The following IQGAP2 variants were observed in gnomAD, a reference collection of about 807,000 sequenced individuals.
IQGAP2 encodes IQ motif containing GTPase activating protein 2.
A neutral mutation model predicts 201.3 loss-of-function variants in IQGAP2; 173 were observed. The ratio of observed to expected loss-of-function variants is 0.86; its 90% CI spans 0.76 to 0.98. The LOEUF (loss-of-function observed/expected upper bound fraction) is 0.98, where lower values mean the gene tolerates loss of function less well. Among genes scored for constraint, IQGAP2 ranks in the 50% least tolerant of loss-of-function variants. The pLI is 0.00. For missense variants in IQGAP2, 1,687 were observed against 1,864.8 expected, an observed-to-expected ratio of 0.90 and a Z score of 1.76; for synonymous variants, 675 against 673.9, an observed-to-expected ratio of 1.00 and a Z score of -0.03.
intron 12 of IQGAP2, among the ~76,000 whole-genome samples, chr5:76,609,432 T>G (rs1237825620): frequency 6.6e-6 from 1 of 152,218 alleles, no homozygotes; most frequent in African/African-American, 2.4e-5. Flanking sequence ...TCAAACATAT[T>G]TAAGTATTAT....
chr5:76,420,186 A>G (rs1751651390), intron 1 of IQGAP2, among the ~76,000 whole-genome samples: 1 of 152,090 alleles, frequency 6.6e-6, no homozygotes, highest in Non-Finnish European at 1.5e-5. Context: ...TCCCTAGGAG[A>G]TTCCAATGTG....
chr5:76,595,904 C>T (rs151231240), intron 9 of IQGAP2, among the ~76,000 whole-genome samples: 2 of 151,884 alleles, frequency 1.3e-5, no homozygotes, highest in East Asian at 1.9e-4. Flanking sequence ...TAGAGTAATC[C>T]GAGATACAGC....
At chr5:76,664,296 A>C (rs7734540) in intron 21 of IQGAP2, among the ~76,000 whole-genome samples, 1 of 152,054 alleles carries the variant, frequency 6.6e-6, no homozygotes, top group East Asian at 1.9e-4. Context: ...GAGAAAAAGG[A>C]AAGTTGGTGA....
At chr5:76,683,958 A>T in intron 30 of IQGAP2, 41 bp downstream of exon 30, 1 of 1,533,172 alleles carries the variant, frequency 6.5e-7, no homozygotes, top group Non-Finnish European at 8.8e-7. Context: ...CCAAATACAC[A>T]TCTTAAATGA....
chr5:76,437,105 G>A (rs1440740525), intron 1 of IQGAP2, among the ~76,000 whole-genome samples: 1 of 151,830 alleles, frequency 6.6e-6, no homozygotes. Flanking sequence ...AGGCTGGAGT[G>A]CAATGGCGCA....
At chr5:76,571,871 A>G (rs1745139645) in intron 4 of IQGAP2, among the ~76,000 whole-genome samples, 1 of 152,136 alleles carries the variant, frequency 6.6e-6, no homozygotes, top group East Asian at 1.9e-4. Context: ...TTCCATTTTC[A>G]CCATTTCATA....
At chr5:76,631,070 A>C (rs912213985) in intron 14 of IQGAP2, among the ~76,000 whole-genome samples, 1 of 152,154 alleles carries the variant, frequency 6.6e-6, no homozygotes, top group East Asian at 1.9e-4. Context: ...TCTTTTCCTC[A>C]AGATGTTTTT....
At chr5:76,595,800 A>AGAG (rs1561493408) in intron 9 of IQGAP2, among the ~76,000 whole-genome samples, 41 of 142,546 alleles carry the variant, frequency 2.9e-4, no homozygotes, top group Admixed American at 8.6e-4. Context: ...GAGAGAGAGA[A>AGAG]AACAGTGTTT....
intron 8 of IQGAP2, 150 bp downstream of exon 8, chr5:76,590,736 A>G: frequency 1.5e-6 from 1 of 653,202 alleles, no homozygotes; most frequent in Non-Finnish European, 2.6e-6. Flanking sequence ...TGTAGCATAC[A>G]AGAGGACCAT....
Position 76,575,776 on chromosome 5 carries a change from G to C in IQGAP2, c.458+7G>C. 6.6e-7 allele frequency: 1 copy of C among 1,510,656 alleles called. No individual in the cohort carries two copies. Among genetic ancestry groups the C allele is most frequent in the Non-Finnish European group, 9.0e-7 (1 of 1,111,906 alleles). 93.6% of individuals were successfully genotyped at this position (1,510,656 alleles called of 1,614,324 possible). ...ATTGCATTCACGCACTGAGGTAGGG[G>C]GAAAATGCAGCTAAAAGGTGCTCTA... On this transcript the variant is annotated splice_region_variant and intron_variant, in intron 5 of 35. Transcript: ENST00000274364.
At chr5:76,482,173 C>A (rs940984090) in intron 2 of IQGAP2, among the ~76,000 whole-genome samples, 1 of 152,204 alleles carries the variant, frequency 6.6e-6, no homozygotes, top group Non-Finnish European at 1.5e-5. Flanking sequence ...ACCTGCCTTA[C>A]CTTTTCCCAG....
chr5:76,631,781 C>G, intron 14 of IQGAP2, 78 bp from the exon 15 acceptor site: 2 of 1,082,302 alleles, frequency 1.8e-6, no homozygotes, highest in Non-Finnish European at 2.6e-6. Flanking sequence ...ATTCCTAAAA[C>G]GTTGAATTAT....
intron 2 of IQGAP2, among the ~76,000 whole-genome samples, chr5:76,545,076 A>G (rs1051755874): frequency 6.6e-6 from 1 of 152,124 alleles, no homozygotes; most frequent in Admixed American, 6.5e-5. Context: ...ATACATACAT[A>G]TATACACATA....
chr5:76,604,069 G>C (rs1346513374), intron 11 of IQGAP2, among the ~76,000 whole-genome samples: 1 of 152,002 alleles, frequency 6.6e-6, no homozygotes, highest in Non-Finnish European at 1.5e-5. Flanking sequence ...ATGGTGGTTT[G>C]CTGCACCCAT....
At chr5:76,580,051 A>G (rs965006954) in intron 5 of IQGAP2, among the ~76,000 whole-genome samples, 2 of 151,330 alleles carry the variant, frequency 1.3e-5, no homozygotes, top group Non-Finnish European at 2.9e-5. Context: ...TGAGGCAGGC[A>G]GATCATGTGA....
intron 2 of IQGAP2, among the ~76,000 whole-genome samples, chr5:76,484,295 T>TA (rs1180736581): frequency 6.6e-6 from 1 of 152,164 alleles, no homozygotes; most frequent in African/African-American, 2.4e-5. Context: ...TTCTCAGGGT[T>TA]ACAAGGAATA....
intron 2 of IQGAP2, among the ~76,000 whole-genome samples, chr5:76,530,557 GT>G (rs145728635): frequency 0.061 from 9,228 of 152,284 alleles, 403 homozygotes; most frequent in Admixed American, 0.094. Flanking sequence ...AAAGGCTGCA[GT>G]TTAGTACTAG....
At chr5:76,676,077 TCACACA>T (rs34099080) in intron 27 of IQGAP2, among the ~76,000 whole-genome samples, 3,800 of 135,622 alleles carry the variant, frequency 0.028, 48 homozygotes, top group African/African-American at 0.032. Context: ...TAAGACTCTG[TCACACA>T]CACACACACA....
At position 76,600,968 on chromosome 5, in the gene IQGAP2, G is replaced by A; in HGVS notation, c.1228G>A (p.Glu410Lys). 6.2e-7 allele frequency: 1 copy of A among 1,608,194 alleles called. No individual in the cohort carries two copies. The highest frequency in any genetic ancestry group is 1.1e-5 in the South Asian group (1 of 90,692). The change falls in exon 11 of 36, where the codon GAA (glutamate) becomes AAA (lysine). Residue 410 changes from glutamate (E) to lysine (K), a missense_variant. Glu to Lys is a moderately conservative substitution (Grantham distance 56). Transcript: ENST00000274364. ...AAACAATCTGGACAAGGCATATGTG[G>A]AACGGTAAGGAACATTTTCCAAACC... ...GLNNLDKAYV[E>K]RYANTLLSVK...
Sources: allele counts gnomAD v4.1 joint callset (sites outside exome capture counted in the v4.1 genomes callset), GRCh38; gene constraint gnomAD v4.1.1; transcripts MANE v1.5; gene names NCBI Gene and HGNC (gene_info 2026-07-23, HGNC 2026-07-21).